Variants in FHIT observed in about 807,000 individuals in gnomAD.
The protein encoded by FHIT is bis(5'-adenosyl)-triphosphatase.
Under a neutral mutation model 17.9 loss-of-function variants are expected in FHIT, and 19 were observed. The ratio of observed to expected loss-of-function variants is 1.06; its 90% CI spans 0.74 to 1.56. The LOEUF (loss-of-function observed/expected upper bound fraction) is 1.56, where lower values mean the gene tolerates loss of function less well. Ranked by LOEUF, FHIT falls within the 40% of genes most tolerant of loss-of-function variation. The pLI is 0.00. For synonymous variants in FHIT, 81 were observed against 69.7 expected, an observed-to-expected ratio of 1.16 and a Z score of -0.81; for missense variants, 248 against 189.2, an observed-to-expected ratio of 1.31 and a Z score of -1.82.
intron 3 of FHIT, among the ~76,000 whole-genome samples, chr3:60,935,470 A>G (rs1316010762): frequency 1.3e-5 from 2 of 152,240 alleles, no homozygotes; most frequent in African/African-American, 4.8e-5. Flanking sequence ...TATTTTATCC[A>G]GGATACAGGA....
At chr3:60,699,377 GTATAATACTGAGAAA>G (rs1282347931) in intron 4 of FHIT, among the ~76,000 whole-genome samples, 1 of 152,124 alleles carries the variant, frequency 6.6e-6, no homozygotes, top group Non-Finnish European at 1.5e-5. Flanking sequence ...TCCCTCTACT[GTATAATACTGAGAAA>G]TATCAATTTT....
intron 4 of FHIT, among the ~76,000 whole-genome samples, chr3:60,634,957 A>C (rs1430995475): frequency 6.6e-6 from 1 of 152,122 alleles, no homozygotes; most frequent in Admixed American, 6.6e-5. Flanking sequence ...CAACAGCCTC[A>C]AACACCTGGG....
intron 5 of FHIT, among the ~76,000 whole-genome samples, chr3:60,320,732 T>G (rs1348337916): frequency 1.3e-5 from 2 of 152,188 alleles, no homozygotes; most frequent in Non-Finnish European, 2.9e-5. Context: ...TGCTATAATT[T>G]ATTTAAAATT....
At chr3:61,021,561 T>C (rs2032435457) in intron 3 of FHIT, among the ~76,000 whole-genome samples, 1 of 127,922 alleles carries the variant, frequency 7.8e-6, no homozygotes, top group Admixed American at 9.6e-5. Context: ...ATCCCGCCAC[T>C]GCACTCCAGC....
intron 5 of FHIT, among the ~76,000 whole-genome samples, chr3:60,408,622 G>A (rs1261406227): frequency 1.3e-5 from 2 of 152,154 alleles, no homozygotes; most frequent in South Asian, 2.1e-4. Context: ...GAAAAGAAAT[G>A]TTGACGGTTA....
intron 5 of FHIT, among the ~76,000 whole-genome samples, chr3:60,197,040 C>G (rs955802704): frequency 2.0e-5 from 3 of 152,160 alleles, no homozygotes; most frequent in African/African-American, 7.2e-5. Flanking sequence ...GATAAAAGAA[C>G]TGCTTTTCAA....
intron 5 of FHIT, among the ~76,000 whole-genome samples, chr3:60,186,889 TAA>T (rs1293108565): frequency 6.6e-6 from 1 of 152,094 alleles, no homozygotes; most frequent in Non-Finnish European, 1.5e-5. Flanking sequence ...TTAGGAGGCA[TAA>T]GATATTTAAA....
chr3:60,922,341 G>T (rs2044613), intron 3 of FHIT, among the ~76,000 whole-genome samples: 90,778 of 151,968 alleles, frequency 0.6, 27,375 homozygotes, highest in East Asian at 0.71. Context: ...TGTTCTCTCT[G>T]GCTTTTACCA....
At chr3:60,383,721 A>G (rs951436634) in intron 5 of FHIT, among the ~76,000 whole-genome samples, 1 of 152,104 alleles carries the variant, frequency 6.6e-6, no homozygotes, top group African/African-American at 2.4e-5. Context: ...GTGACCATTT[A>G]GAGAGTTAGG....
chr3:60,155,848 C>G (rs1219777420), intron 5 of FHIT, among the ~76,000 whole-genome samples: 1 of 152,178 alleles, frequency 6.6e-6, no homozygotes, highest in Non-Finnish European at 1.5e-5. Flanking sequence ...CCTCAACCGT[C>G]ACCCAAGTAA....
chr3:61,006,073 G>GT lies in FHIT; in HGVS notation c.-111+35973dup, dbSNP rs142807076. On this transcript the variant is annotated intron_variant, in intron 3 of 9. Transcript: ENST00000492590. ...CAGTTACCACCATGCTTAAAACAAG[G>GT]TTTTTAAAAAAAAAAAATTGCCTGA... is the stretch of plus-strand genomic sequence containing the variant. 3.8e-3 allele frequency among the ~76,000 whole-genome samples: 547 copies of GT among 144,334 alleles called. 3 individuals are homozygous for GT. Among genetic ancestry groups the GT allele is most frequent in the African/African-American group, 0.013 (506 of 38,770 alleles). 94.7% of individuals were successfully genotyped at this position (144,334 alleles called of 152,430 possible). A position where few individuals can be genotyped will look rare whatever the true frequency, so the allele number is the denominator to read the frequency against.
At chr3:60,293,314 C>G (rs1424974198) in intron 5 of FHIT, among the ~76,000 whole-genome samples, 1 of 152,042 alleles carries the variant, frequency 6.6e-6, no homozygotes. Flanking sequence ...CTTACTTGCA[C>G]TTTTCCCAAA....
intron 4 of FHIT, among the ~76,000 whole-genome samples, chr3:60,541,070 T>C (rs1248312975): frequency 6.6e-6 from 1 of 152,190 alleles, no homozygotes; most frequent in East Asian, 1.9e-4. Context: ...CAAACCCAAC[T>C]ATCCTCCCAA....
chr3:61,139,280 C>T (rs950291486), intron 2 of FHIT, among the ~76,000 whole-genome samples: 2 of 152,120 alleles, frequency 1.3e-5, no homozygotes, highest in African/African-American at 2.4e-5. Flanking sequence ...CTGCCCGCCT[C>T]GGCCTCCTAA....
chr3:59,968,968 G>T (rs535882326), intron 7 of FHIT, among the ~76,000 whole-genome samples: 2 of 152,122 alleles, frequency 1.3e-5, no homozygotes, highest in African/African-American at 4.8e-5. Context: ...CTTCATCTTC[G>T]AATTTTGCTG....
intron 3 of FHIT, among the ~76,000 whole-genome samples, chr3:60,922,441 C>A (rs976693368): frequency 3.9e-5 from 6 of 152,184 alleles, no homozygotes; most frequent in Non-Finnish European, 8.8e-5. Flanking sequence ...CACATTTGTG[C>A]CCCTTGGGAC....
chr3:60,881,998 C>A (rs536690722), intron 3 of FHIT, among the ~76,000 whole-genome samples: 1 of 151,726 alleles, frequency 6.6e-6, no homozygotes, highest in Non-Finnish European at 1.5e-5. Context: ...AAACCACGAG[C>A]TAAACTAACC....
intron 5 of FHIT, among the ~76,000 whole-genome samples, chr3:60,443,530 T>C (rs1456496705): frequency 6.6e-6 from 1 of 152,172 alleles, no homozygotes; most frequent in Non-Finnish European, 1.5e-5. Context: ...ATTGAGATAA[T>C]TATGTGGTTT....
chr3:60,912,093 T>A (rs1174801498), intron 3 of FHIT, among the ~76,000 whole-genome samples: 1 of 151,898 alleles, frequency 6.6e-6, no homozygotes, highest in East Asian at 1.9e-4. Context: ...ATATTTCAGG[T>A]ACCTCTGTCA....
Sources: allele counts gnomAD v4.1 joint callset (sites outside exome capture counted in the v4.1 genomes callset), GRCh38; gene constraint gnomAD v4.1.1; transcripts MANE v1.5; gene names NCBI Gene and HGNC (gene_info 2026-07-23, HGNC 2026-07-21).